The following EPN2 variants were observed in gnomAD, a reference collection of about 807,000 sequenced individuals.
EPN2 encodes epsin-2.
EPN2 carries 34 observed loss-of-function variants against 61.7 expected under a neutral mutation model. The observed-to-expected ratio is 0.55, with a 90% CI of 0.42 to 0.73. The LOEUF is 0.73. Ranked by LOEUF, EPN2 falls within the 30% of genes least tolerant of loss-of-function variation. The pLI is 0.00. For synonymous variants in EPN2, 349 were observed against 353.6 expected, an observed-to-expected ratio of 0.99 and a Z score of 0.15; for missense variants, 714 against 839.2, an observed-to-expected ratio of 0.85 and a Z score of 1.84.
chr17:19,312,970 C>A, intron 6 of EPN2, 135 bp from the exon 7 acceptor site: 1 of 880,876 alleles, frequency 1.1e-6, no homozygotes. Context: ...GCTCAGTTTC[C>A]AAGTTCTTCT....
At chr17:19,317,725 A>G (rs925800189) in intron 7 of EPN2, among the ~76,000 whole-genome samples, 1 of 152,188 alleles carries the variant, frequency 6.6e-6, no homozygotes, top group African/African-American at 2.4e-5. Flanking sequence ...TTGATTGGGT[A>G]TGTGGCATGG....
intron 1 of EPN2, among the ~76,000 whole-genome samples, chr17:19,255,591 G>A (rs1364520515): frequency 7.7e-6 from 1 of 129,882 alleles, no homozygotes; most frequent in Non-Finnish European, 1.6e-5. Flanking sequence ...TTAAGTGCCA[G>A]TGCTTGGCCC....
chr17:19,332,142 C>A, intron 10 of EPN2, 74 bp downstream of exon 10: 1 of 1,139,288 alleles, frequency 8.8e-7, no homozygotes, highest in Non-Finnish European at 1.3e-6. Flanking sequence ...CTCTTGGGGG[C>A]TCTTCCCACT....
intron 7 of EPN2, among the ~76,000 whole-genome samples, chr17:19,316,735 C>T (rs866641086): frequency 6.6e-6 from 1 of 152,228 alleles, no homozygotes; most frequent in Admixed American, 6.5e-5. Context: ...AAATTCTAAA[C>T]AATACCACGC....
chr17:19,331,974 C>T lies in EPN2; in HGVS notation c.1533C>T (p.Ser511=). 2 of 1,614,136 alleles carry T rather than the reference C, an allele frequency of 1.2e-6. No individual in the cohort carries two copies. The highest frequency in any genetic ancestry group is 1.7e-6 in the Non-Finnish European group (2 of 1,180,018). Residue 511 remains serine, a synonymous_variant, in exon 10 of 11, where the codon TCC becomes TCT. Coordinates refer to ENST00000314728, the MANE Select transcript of EPN2 (RefSeq NM_014964.5). ...GCAGTGCCCGGAAAACACCTGAGTCCTTCCTGGGCCCCAACGCGGCCCTGG... is the reference window on the plus strand; with the variant it reads ...GCAGTGCCCGGAAAACACCTGAGTCTTTCCTGGGCCCCAACGCGGCCCTGG... ...KPSSARKTPE[S]FLGPNAALVN... is the part of the protein sequence containing the mutation.
At chr17:19,255,602 C>G (rs1383720062) in intron 1 of EPN2, among the ~76,000 whole-genome samples, 1 of 147,780 alleles carries the variant, frequency 6.8e-6, no homozygotes, top group Non-Finnish European at 1.5e-5. Flanking sequence ...TGCTTGGCCC[C>G]CATCCCTTAT....
rs200033150 is a variant in EPN2, at chr17:19,285,716, C to T, written c.692C>T (p.Pro231Leu). Reference protein sequence around the residue: ...QPLSQRHPFLPHLGLASRPNG... With the variant: ...QPLSQRHPFLLHLGLASRPNG... ...CTGAGCCAGCGCCACCCCTTCCTGC[C>T]GCACCTGGGGCTGGCCTCCCGCCCA... The change falls in exon 4 of 11, where the codon CCG becomes CTG. Residue 231 changes from proline (P) to leucine (L), a missense_variant. Pro to Leu is a moderately conservative substitution (Grantham distance 98, BLOSUM62 -3). This residue lies in a region of EPN2 where 304 missense variants were observed against 417.4 expected (regional missense o/e 0.73). Coordinates refer to ENST00000314728, the MANE Select transcript of EPN2 (RefSeq NM_014964.5). This position sits in a 1 kb window ranked among gnomAD's most constrained non-coding sequence, Gnocchi z 4.5. 2.6e-5 allele frequency: 42 copies of T among 1,605,510 alleles called. No individual in the cohort carries two copies. Among genetic ancestry groups the T allele is most frequent in the East Asian group, 6.7e-5 (3 of 44,652 alleles).
rs375615129 is a variant in EPN2 at position 19,283,294 on chromosome 17, A to C, written c.175A>C (p.Met59Leu). The C allele has an allele frequency of 6.2e-7, 1 of 1,614,120 alleles. No homozygotes were observed. The change falls in exon 3 of 11, where the codon ATG (methionine) becomes CTG (leucine). Residue 59 changes from methionine (M) to leucine (L), a missense_variant. Physicochemically the swap from Met to Leu is conservative, Grantham distance 15 (BLOSUM62 2). Transcript: ENST00000314728. The surrounding 1 kb of genome is among the most constrained non-coding windows in gnomAD (Gnocchi z 7.0). The stretch of plus-strand genomic sequence containing the variant: ...GGTGGCCTTCTCGGAGATCATGAGC[A>C]TGGTGTGGAAGCGGCTGAATGACCA... ...NVVAFSEIMS[M>L]VWKRLNDHGK...
chr17:19,331,457 TC>T (rs1280054898), intron 9 of EPN2, among the ~76,000 whole-genome samples: 1 of 152,140 alleles, frequency 6.6e-6, no homozygotes, highest in Non-Finnish European at 1.5e-5. Context: ...CAATTTGCTT[TC>T]TTTTTACTAT....
intron 4 of EPN2, among the ~76,000 whole-genome samples, chr17:19,295,366 A>ACGCGCGCGCGCG (rs1555600589): frequency 9.5e-4 from 133 of 140,384 alleles, no homozygotes; most frequent in Middle Eastern, 3.6e-3. Context: ...ACACACACAC[A>ACGCGCGCGCGCG]CGCGCGTGCG....
At chr17:19,241,540 C>T (rs946135459) in intron 1 of EPN2, among the ~76,000 whole-genome samples, 8 of 147,702 alleles carry the variant, frequency 5.4e-5, no homozygotes, top group South Asian at 4.3e-4. Context: ...GAGCCGAGAT[C>T]GCACCACTGT....
At chr17:19,260,332 C>T (rs2045127523) in intron 1 of EPN2, among the ~76,000 whole-genome samples, 1 of 152,166 alleles carries the variant, frequency 6.6e-6, no homozygotes, top group African/African-American at 2.4e-5. Context: ...TGGATGGGGG[C>T]ATTGACAGTG....
chr17:19,259,332 A>C (rs901841425), intron 1 of EPN2, among the ~76,000 whole-genome samples: 1 of 64,692 alleles, frequency 1.5e-5, no homozygotes, highest in Non-Finnish European at 2.4e-5. Flanking sequence ...TTTTTTTTTG[A>C]GATGGAGTCT....
At chr17:19,333,861 C>T in intron 10 of EPN2, 95 bp from the exon 11 acceptor site, 1 of 1,074,374 alleles carries the variant, frequency 9.3e-7, no homozygotes, top group South Asian at 2.0e-5. Flanking sequence ...GAGGGCACAG[C>T]AGGGACCAGA....
At chr17:19,299,761 CT>C (rs1184341926) in intron 4 of EPN2, among the ~76,000 whole-genome samples, 1 of 152,236 alleles carries the variant, frequency 6.6e-6, no homozygotes, top group Non-Finnish European at 1.5e-5. Context: ...CCTCCTGCCT[CT>C]TTCACCAGCC....
intron 1 of EPN2, among the ~76,000 whole-genome samples, chr17:19,270,429 AG>A (rs1375202416): frequency 2.6e-5 from 4 of 152,318 alleles, no homozygotes; most frequent in Admixed American, 2.6e-4. Flanking sequence ...CCCCTCTGGT[AG>A]GTGATTCCCA....
intron 5 of EPN2, among the ~76,000 whole-genome samples, chr17:19,310,585 T>C (rs1173729928): frequency 7.4e-6 from 1 of 134,308 alleles, no homozygotes; most frequent in Non-Finnish European, 1.6e-5. Flanking sequence ...TTTTTTTTTT[T>C]TTTTTTTTTT....
At chr17:19,324,108 C>T (rs1459456831) in intron 7 of EPN2, among the ~76,000 whole-genome samples, 1 of 152,166 alleles carries the variant, frequency 6.6e-6, no homozygotes, top group Non-Finnish European at 1.5e-5. Flanking sequence ...CAGTCACATG[C>T]AGAATACTTG....
chr17:19,300,158 G>A (rs1905411329), intron 4 of EPN2, among the ~76,000 whole-genome samples: 1 of 152,144 alleles, frequency 6.6e-6, no homozygotes, highest in East Asian at 1.9e-4. Flanking sequence ...AGAAGCGGAG[G>A]GGCCAAGGAA....
Sources: allele counts gnomAD v4.1 joint callset (sites outside exome capture counted in the v4.1 genomes callset), GRCh38; gene constraint gnomAD v4.1.1; regional missense constraint gnomAD v4.1.1; non-coding constraint Gnocchi (gnomAD v3.1); transcripts MANE v1.5; gene names NCBI Gene and HGNC (gene_info 2026-07-23, HGNC 2026-07-21).